WWOX: variants seen among roughly 807,000 people sequenced by gnomAD.
The protein encoded by WWOX is WW domain-containing oxidoreductase.
A neutral mutation model predicts 46.2 loss-of-function variants in WWOX; 69 were observed. The observed-to-expected ratio is 1.49, with a 90% CI of 1.23 to 1.82. The LOEUF (loss-of-function observed/expected upper bound fraction) is 1.82. WWOX is among the 40% of genes most tolerant of loss of function. The pLI is 0.00. For synonymous variants in WWOX, 359 were observed against 202.6 expected, an observed-to-expected ratio of 1.77 and a Z score of -6.56; for missense variants, 919 against 542.6, an observed-to-expected ratio of 1.69 and a Z score of -6.89.
intron 5 of WWOX, among the ~76,000 whole-genome samples, chr16:78,319,151 T>G (rs1389935653): frequency 2.0e-5 from 3 of 152,084 alleles, no homozygotes; most frequent in East Asian, 1.9e-4. Flanking sequence ...CGCCACACAT[T>G]GCTGGCTTTG....
chr16:78,147,956 G>A (rs903496668), intron 4 of WWOX, among the ~76,000 whole-genome samples: 1 of 151,942 alleles, frequency 6.6e-6, no homozygotes, highest in Admixed American at 6.5e-5. Context: ...ATGAGTGTGT[G>A]CGTGTAGAAT....
At chr16:78,371,422 A>G (rs887508651) in intron 5 of WWOX, among the ~76,000 whole-genome samples, 2 of 152,218 alleles carry the variant, frequency 1.3e-5, no homozygotes, top group East Asian at 3.9e-4. Context: ...TCAATAACGT[A>G]TGAAAAGAAT....
chr16:78,984,750 T>C (rs2046751359), intron 8 of WWOX, among the ~76,000 whole-genome samples: 1 of 152,244 alleles, frequency 6.6e-6, no homozygotes, highest in Admixed American at 6.5e-5. Flanking sequence ...TCAGACTTTC[T>C]TCGTCCTCTT....
intron 6 of WWOX, among the ~76,000 whole-genome samples, chr16:78,409,728 C>A (rs2082632261): frequency 6.6e-6 from 1 of 152,170 alleles, no homozygotes; most frequent in South Asian, 2.1e-4. Context: ...TATGGCTCTG[C>A]TGCTTTCTAG....
chr16:78,959,264 T>C (rs949721657), intron 8 of WWOX, among the ~76,000 whole-genome samples: 2 of 152,344 alleles, frequency 1.3e-5, no homozygotes, highest in East Asian at 3.9e-4. Flanking sequence ...AATAAGGGCA[T>C]TGAACTTAAT....
At chr16:78,116,549 T>G (rs1243157077) in intron 4 of WWOX, among the ~76,000 whole-genome samples, 1 of 152,212 alleles carries the variant, frequency 6.6e-6, no homozygotes, top group Non-Finnish European at 1.5e-5. Context: ...GCTCCAAATA[T>G]GTTCAATCCA....
At chr16:79,125,641 G>A (rs763532950) in intron 8 of WWOX, among the ~76,000 whole-genome samples, 5 of 152,094 alleles carry the variant, frequency 3.3e-5, no homozygotes, top group Non-Finnish European at 5.9e-5. Context: ...GACAAGTTCT[G>A]GGCCATAACT....
intron 5 of WWOX, among the ~76,000 whole-genome samples, chr16:78,301,596 C>CT (rs1363583207): frequency 6.6e-6 from 1 of 152,122 alleles, no homozygotes; most frequent in Non-Finnish European, 1.5e-5. Flanking sequence ...CTGTTTATCT[C>CT]TAACAGAATA....
chr16:78,323,295 C>T (rs745898718), intron 5 of WWOX, among the ~76,000 whole-genome samples: 1 of 152,024 alleles, frequency 6.6e-6, no homozygotes, highest in Non-Finnish European at 1.5e-5. Context: ...TTAGTAGAAA[C>T]GGGGTTTCAC....
intron 8 of WWOX, among the ~76,000 whole-genome samples, chr16:79,085,761 A>G (rs1226182910): frequency 6.6e-6 from 1 of 152,190 alleles, no homozygotes. Flanking sequence ...AAATGTAGTC[A>G]GTAGCCAGGC....
intron 8 of WWOX, among the ~76,000 whole-genome samples, chr16:78,795,374 C>A (rs529106289): frequency 3.3e-5 from 5 of 152,264 alleles, no homozygotes; most frequent in Non-Finnish European, 7.4e-5. Context: ...CTTCTGTCTT[C>A]CTGGCTGTTT....
At chr16:78,885,395 G>T (rs1045078026) in intron 8 of WWOX, among the ~76,000 whole-genome samples, 1 of 152,138 alleles carries the variant, frequency 6.6e-6, no homozygotes, top group African/African-American at 2.4e-5. Context: ...GACCACAACA[G>T]TCAGATAAAT....
intron 8 of WWOX, among the ~76,000 whole-genome samples, chr16:79,175,179 T>G (rs769909821): frequency 3.1e-4 from 47 of 152,226 alleles, no homozygotes; most frequent in Admixed American, 7.9e-4. Context: ...GCGCTAATTT[T>G]TAATATGCCT....
At chr16:79,201,742 TTTGTC>T (rs1300383257) in intron 8 of WWOX, among the ~76,000 whole-genome samples, 2 of 151,848 alleles carry the variant, frequency 1.3e-5, no homozygotes, top group Non-Finnish European at 2.9e-5. Flanking sequence ...TTTTTTCACT[TTTGTC>T]TTCCTGACTT....
At chr16:78,441,143 A>G (rs542522368) in intron 8 of WWOX, among the ~76,000 whole-genome samples, 10 of 151,880 alleles carry the variant, frequency 6.6e-5, no homozygotes, top group African/African-American at 1.9e-4. Flanking sequence ...GGATTTCAAC[A>G]TGTTGGCCAA....
rs1268963075 is a variant in WWOX, at chr16:79,032,562, C to G, written c.1057-179046C>G. On this transcript the variant is annotated intron_variant, in intron 8 of 8. Coordinates refer to ENST00000566780, the MANE Select transcript of WWOX (RefSeq NM_016373.4). The stretch of plus-strand genomic sequence containing the variant: ...ATATATTATACATGTAATATACTTT[C>G]CATACATACATATATAATTTGGGGG... Among the ~76,000 whole-genome samples the G allele has an allele frequency of 2.7e-5, 4 of 147,528 alleles. No individual in the cohort carries two copies. The East Asian group carries it at 5.9e-4, about 22-fold the overall frequency.
chr16:78,904,950 G>C (rs376151686), intron 8 of WWOX, among the ~76,000 whole-genome samples: 1 of 152,036 alleles, frequency 6.6e-6, no homozygotes, highest in Admixed American at 6.6e-5. Flanking sequence ...TTTCCAAATT[G>C]TCTTCCCATC....
intron 8 of WWOX, among the ~76,000 whole-genome samples, chr16:78,885,924 A>G (rs1278595526): frequency 4.4e-5 from 6 of 135,724 alleles, no homozygotes; most frequent in Non-Finnish European, 6.2e-5. Flanking sequence ...TGGGGATGGA[A>G]TTTTTTTTTT....
At chr16:79,077,938 C>G (rs919025509) in intron 8 of WWOX, 1 of 152,152 alleles carries the variant, frequency 6.6e-6, no homozygotes, top group East Asian at 1.9e-4. Context: ...GGCACCCATC[C>G]CTGACCCCTT....
Sources: gnomAD v4.1 joint callset for allele counts (sites outside exome capture counted in the v4.1 genomes callset) on GRCh38, gnomAD v4.1.1 for gene constraint, MANE v1.5 for transcripts, NCBI Gene and HGNC (gene_info 2026-07-23, HGNC 2026-07-21) for gene names.